Variants in SPAST observed in about 807,000 individuals in gnomAD.
The protein encoded by SPAST is spastic paraplegia 4 (autosomal dominant; spastin).
SPAST carries 30 observed loss-of-function variants against 76.6 expected under a neutral mutation model. The observed-to-expected ratio is 0.39, with a 90% CI of 0.29 to 0.53. SPAST has a LOEUF of 0.53. Ranked by LOEUF, SPAST falls within the 20% of genes least tolerant of loss-of-function variation. The pLI, the probability that SPAST is intolerant of heterozygous loss-of-function variation, is 0.68. For synonymous variants in SPAST, 305 were observed against 281.0 expected (o/e 1.09, Z -0.86); for missense variants, 717 against 770.5 (o/e 0.93, Z 0.82).
chr2:32,096,613 G>A (rs1677925044), intron 3 of SPAST, among the ~76,000 whole-genome samples: 1 of 152,032 alleles, frequency 6.6e-6, no homozygotes, highest in South Asian at 2.1e-4. Flanking sequence ...CTGTGTACAC[G>A]AAAAGAAATC....
At chr2:32,111,160 GAGTATATATA>G (rs1218024723) in intron 4 of SPAST, among the ~76,000 whole-genome samples, 3 of 121,020 alleles carry the variant, frequency 2.5e-5, no homozygotes, top group East Asian at 2.4e-4. Context: ...AGTGTGTATA[GAGTATATATA>G]CAGTATACTA....
chr2:32,151,206 G>A (rs1230810947), intron 16 of SPAST, among the ~76,000 whole-genome samples: 1 of 152,142 alleles, frequency 6.6e-6, no homozygotes, highest in East Asian at 1.9e-4. Context: ...GCCTCCCAAA[G>A]TGCTGGGATT....
At chr2:32,108,744 C>T (rs1244786178) in intron 4 of SPAST, among the ~76,000 whole-genome samples, 1 of 144,308 alleles carries the variant, frequency 6.9e-6, no homozygotes, top group Non-Finnish European at 1.5e-5. Flanking sequence ...AGCTACTGTG[C>T]CTGGCTGGTA....
At chr2:32,078,316 G>C (rs562207689) in intron 1 of SPAST, among the ~76,000 whole-genome samples, 1 of 152,248 alleles carries the variant, frequency 6.6e-6, no homozygotes, top group South Asian at 2.1e-4. Flanking sequence ...GGGATTACAG[G>C]CATGTGCCAC....
At chr2:32,144,083 C>T (rs1679811004) in intron 14 of SPAST, among the ~76,000 whole-genome samples, 1 of 151,724 alleles carries the variant, frequency 6.6e-6, no homozygotes, top group Admixed American at 6.6e-5. Context: ...AATTTTATTC[C>T]CTGAAAAATG....
intron 15 of SPAST, among the ~76,000 whole-genome samples, chr2:32,146,851 C>CAAAAAAAAAAAAAAAAAAAA (rs397984237): frequency 5.2e-5 from 1 of 19,224 alleles, no homozygotes; most frequent in Non-Finnish European, 1.1e-4. Context: ...GACTCTGTCT[C>CAAAAAAAAAAAAAAAAAAAA]AAAAAAAAAA....
At chr2:32,112,711 A>T (rs1370450749) in intron 4 of SPAST, among the ~76,000 whole-genome samples, 1 of 152,020 alleles carries the variant, frequency 6.6e-6, no homozygotes, top group Admixed American at 6.6e-5. Context: ...TATAATAGTT[A>T]ACTTGTAGTA....
intron 4 of SPAST, among the ~76,000 whole-genome samples, chr2:32,102,191 A>G (rs1378565994): frequency 2.6e-5 from 4 of 152,250 alleles, no homozygotes; most frequent in African/African-American, 9.6e-5. Flanking sequence ...GGTCCTTCAC[A>G]TCCCTTGTAA....
chr2:32,066,128 C>G (rs1676500671), intron 1 of SPAST: 1 of 152,018 alleles, frequency 6.6e-6, no homozygotes, highest in African/African-American at 2.4e-5. Flanking sequence ...TGCGCCCTAT[C>G]ACGGCTGGCT....
chr2:32,064,869 T>C (rs554517480), intron 1 of SPAST, among the ~76,000 whole-genome samples: 2 of 152,332 alleles, frequency 1.3e-5, no homozygotes, highest in Admixed American at 1.3e-4. Flanking sequence ...ATTAAAACAG[T>C]ATTCCAAAGT....
chr2:32,116,232 A>G lies in SPAST; in HGVS notation c.1098+20A>G, dbSNP rs774229438. 3 of 1,459,346 alleles carry G rather than the reference A, an allele frequency of 2.1e-6. No individual in the cohort carries two copies. In the East Asian group the frequency reaches 6.8e-5, roughly 33 times the overall value. The allele number at this position is 1,459,346 out of a possible 1,614,324, so 90.4% of individuals were successfully genotyped here. On this transcript the variant is annotated intron_variant, in intron 7 of 16. Coordinates refer to ENST00000315285, the MANE Select transcript of SPAST (RefSeq NM_014946.4). The stretch of plus-strand genomic sequence containing the variant: ...CCTGAGGTAAGAACTTTATATTATC[A>G]TTTTTCTATAATACCATCTGTTACT...
rs546893961 is a variant in SPAST at position 32,101,873 on chromosome 2, T to A, written c.682+2982T>A. On this transcript the variant is annotated intron_variant, in intron 4 of 16. Transcript: ENST00000315285. The stretch of plus-strand genomic sequence containing the variant: ...ATCAGTACCATGCTGTTTTGATTAC[T>A]GTACCTTCGTAGTATAGTTTGAAGT... Among the ~76,000 whole-genome samples, 90 of 152,342 alleles carry A rather than the reference T, an allele frequency of 5.9e-4. 1 individual carries two copies. Among genetic ancestry groups the A allele is most frequent in the Non-Finnish European group, 1.1e-3 (74 of 68,026 alleles).
chr2:32,121,633 T>G (rs953435698), intron 7 of SPAST, among the ~76,000 whole-genome samples: 1 of 147,214 alleles, frequency 6.8e-6, no homozygotes, highest in Non-Finnish European at 1.5e-5. Context: ...CTTCGCCTCC[T>G]GGGTTCGAGT....
chr2:32,112,011 AGTT>A (rs1678632339), intron 4 of SPAST, among the ~76,000 whole-genome samples: 1 of 96,602 alleles, frequency 1.0e-5, no homozygotes, highest in Non-Finnish European at 2.4e-5. Context: ...TAGTAGTAGT[AGTT>A]TTTTTTTTTT....
intron 4 of SPAST, among the ~76,000 whole-genome samples, chr2:32,114,395 A>G (rs1269224780): frequency 5.9e-5 from 9 of 152,158 alleles, no homozygotes; most frequent in Non-Finnish European, 1.3e-4. Context: ...AGCCCAGGCC[A>G]CAGGTTTCAA....
chr2:32,145,756 T>G (rs1679864878), intron 15 of SPAST, among the ~76,000 whole-genome samples: 1 of 152,188 alleles, frequency 6.6e-6, no homozygotes, highest in South Asian at 2.1e-4. Flanking sequence ...TAGGTTAGGT[T>G]AGGATAAACT....
chr2:32,142,091 T>G, intron 13 of SPAST, 145 bp downstream of exon 13: 2 of 665,512 alleles, frequency 3.0e-6, no homozygotes, highest in Non-Finnish European at 5.1e-6. Context: ...AAGCTTACTG[T>G]CAGAGCCAGC....
At chr2:32,147,901 G>T (rs1679948736) in intron 16 of SPAST, among the ~76,000 whole-genome samples, 1 of 148,264 alleles carries the variant, frequency 6.7e-6, no homozygotes, top group Admixed American at 6.8e-5. Context: ...AAAGTGCTGG[G>T]ATTACAGGCG....
chr2:32,089,392 C>G (rs906700511), intron 2 of SPAST, 130 bp from the exon 3 acceptor site: 8 of 604,178 alleles, frequency 1.3e-5, no homozygotes, highest in Non-Finnish European at 2.3e-5. Context: ...TATACATTTT[C>G]TTCTTTTTTT....
Sources: gnomAD v4.1 joint callset for allele counts (sites outside exome capture counted in the v4.1 genomes callset) on GRCh38, gnomAD v4.1.1 for gene constraint, MANE v1.5 for transcripts, NCBI Gene and HGNC (gene_info 2026-07-23, HGNC 2026-07-21) for gene names.